CPSF3: variants seen among roughly 807,000 people sequenced by gnomAD.
CPSF3 encodes cleavage and polyadenylation specific factor 3.
CPSF3 carries 57 observed loss-of-function variants against 84.1 expected under a neutral mutation model. The ratio of observed to expected loss-of-function variants is 0.68; its 90% CI spans 0.55 to 0.85. CPSF3 has a LOEUF of 0.85. Ranked by LOEUF, CPSF3 falls within the 40% of genes least tolerant of loss-of-function variation. The probability of loss-of-function intolerance (pLI) is 0.00; values close to 1 mark genes in which losing one functional copy is unlikely to be tolerated. For missense variants in CPSF3, 522 were observed against 838.8 expected (o/e 0.62, Z 4.66); for synonymous variants, 275 against 278.1 (o/e 0.99, Z 0.11).
At chr2:9,436,898 A>T (rs1680803799) in intron 7 of CPSF3, among the ~76,000 whole-genome samples, 1 of 152,066 alleles carries the variant, frequency 6.6e-6, no homozygotes, top group Admixed American at 6.6e-5. Context: ...AGAAGTCTTA[A>T]AATATGTGTA....
chr2:9,452,782 C>T (rs975122536), intron 11 of CPSF3, 131 bp from the exon 12 acceptor site: 20 of 629,322 alleles, frequency 3.2e-5, no homozygotes, highest in African/African-American at 9.3e-5. Context: ...TTATGTTTTT[C>T]GTGGTTAAAT....
chr2:9,453,807 C>A (rs892180799), intron 12 of CPSF3, among the ~76,000 whole-genome samples: 2 of 151,962 alleles, frequency 1.3e-5, no homozygotes, highest in African/African-American at 4.8e-5. Flanking sequence ...AGGAGAATTG[C>A]TTGAAAGTGG....
chr2:9,454,367 C>T (rs1486319436), intron 12 of CPSF3, among the ~76,000 whole-genome samples: 1 of 151,982 alleles, frequency 6.6e-6, no homozygotes, highest in Non-Finnish European at 1.5e-5. Flanking sequence ...GAGATCACGC[C>T]ATTGCACTCC....
At chr2:9,444,214 C>T (rs115962404) in intron 10 of CPSF3, among the ~76,000 whole-genome samples, 11,706 of 146,694 alleles carry the variant, frequency 0.08, 1,579 homozygotes, top group African/African-American at 0.28. Context: ...ACTGCAACTC[C>T]GCCTCCCGGG....
chr2:9,444,813 G>A (rs562884244), intron 10 of CPSF3, among the ~76,000 whole-genome samples: 108 of 152,088 alleles, frequency 7.1e-4, no homozygotes, highest in Non-Finnish European at 1.2e-3. Flanking sequence ...TTACAGGCAC[G>A]TGCCACCACG....
chr2:9,430,735 G>A lies in CPSF3; in HGVS notation c.213-17G>A. 6.3e-7 allele frequency: 1 copy of A among 1,596,622 alleles called. No homozygotes were observed. The highest frequency in any genetic ancestry group is 8.5e-7 in the Non-Finnish European group (1 of 1,174,810). The stretch of plus-strand genomic sequence containing the variant: ...GATAATAATTTTAAGAATTAATGCA[G>A]CCTCTTTCTTTTTAAGTTTCCATTT... On this transcript the variant is annotated splice_polypyrimidine_tract_variant and intron_variant, in intron 3 of 17. Coordinates refer to ENST00000238112, the MANE Select transcript of CPSF3 (RefSeq NM_016207.4).
intron 10 of CPSF3, among the ~76,000 whole-genome samples, chr2:9,447,775 C>T (rs1681174532): frequency 6.6e-6 from 1 of 152,154 alleles, no homozygotes; most frequent in Non-Finnish European, 1.5e-5. Context: ...AAGACTCCAT[C>T]TCACAAAAAG....
At chr2:9,433,392 G>A (rs773720161) in intron 5 of CPSF3, among the ~76,000 whole-genome samples, 22 of 152,190 alleles carry the variant, frequency 1.4e-4, no homozygotes, top group Non-Finnish European at 2.9e-4. Context: ...GGAACTTTTA[G>A]ACATTGAATT....
intron 17 of CPSF3, among the ~76,000 whole-genome samples, 157 bp from the exon 18 acceptor site, chr2:9,472,759 C>T (rs951753565): frequency 1.3e-5 from 2 of 152,026 alleles, no homozygotes; most frequent in African/African-American, 4.8e-5. Flanking sequence ...GCTCAGTGAT[C>T]CTCCCACCTC....
chr2:9,439,717 G>A (rs1680906860), intron 7 of CPSF3, among the ~76,000 whole-genome samples: 1 of 152,082 alleles, frequency 6.6e-6, no homozygotes, highest in Non-Finnish European at 1.5e-5. Flanking sequence ...GGCTGAGTGT[G>A]GTGACTCATG....
intron 16 of CPSF3, among the ~76,000 whole-genome samples, chr2:9,469,396 T>C (rs928173168): frequency 2.6e-5 from 4 of 152,188 alleles, no homozygotes; most frequent in Non-Finnish European, 5.9e-5. Context: ...GACCAGGGAC[T>C]TGACTACAAT....
At chr2:9,472,274 C>G (rs1023640657) in intron 17 of CPSF3, among the ~76,000 whole-genome samples, 1 of 148,058 alleles carries the variant, frequency 6.8e-6, no homozygotes, top group Non-Finnish European at 1.5e-5. Context: ...GAGCTGAGAT[C>G]ACATCACTGC....
chr2:9,467,872 C>T (rs774327554), intron 16 of CPSF3, 96 bp downstream of exon 16: 2 of 980,110 alleles, frequency 2.0e-6, no homozygotes, highest in Non-Finnish European at 3.2e-6. Flanking sequence ...TGGGGCGTGG[C>T]TCTGGCCAGG....
intron 17 of CPSF3, among the ~76,000 whole-genome samples, chr2:9,471,747 A>G (rs527618297): frequency 2.0e-4 from 31 of 151,790 alleles, no homozygotes; most frequent in Middle Eastern, 3.4e-3. Flanking sequence ...TTTTTAAAGA[A>G]GCCGCTCTTC....
intron 15 of CPSF3, among the ~76,000 whole-genome samples, chr2:9,465,977 TGTA>T (rs1284325925): frequency 3.3e-5 from 5 of 152,324 alleles, no homozygotes; most frequent in Middle Eastern, 6.8e-3. Context: ...CCATATAAAG[TGTA>T]GAATTCAATG....
intron 14 of CPSF3, among the ~76,000 whole-genome samples, chr2:9,457,683 T>C (rs1465317181): frequency 1.3e-5 from 2 of 152,192 alleles, no homozygotes; most frequent in African/African-American, 4.8e-5. Context: ...TGTCTACTGC[T>C]ATGCCCCAAG....
At chr2:9,453,117 A>C in intron 12 of CPSF3, 96 bp downstream of exon 12, 1 of 687,304 alleles carries the variant, frequency 1.5e-6, no homozygotes, top group South Asian at 2.7e-5. Flanking sequence ...ATGTTATGTA[A>C]TAGACAAATA....
intron 12 of CPSF3, among the ~76,000 whole-genome samples, chr2:9,453,694 C>T (rs375639623): frequency 3.3e-5 from 5 of 152,148 alleles, no homozygotes; most frequent in African/African-American, 9.6e-5. Flanking sequence ...AGATCGAGAC[C>T]ATCCTGACCA....
At chr2:9,466,322 ACACAGACGCACG>A (rs1681947901) in intron 15 of CPSF3, among the ~76,000 whole-genome samples, 1 of 136,636 alleles carries the variant, frequency 7.3e-6, no homozygotes, top group South Asian at 2.2e-4. Flanking sequence ...TGACGCACGC[ACACAGACGCACG>A]CACACACGCG....
Sources: gnomAD v4.1 joint callset for allele counts (sites outside exome capture counted in the v4.1 genomes callset) on GRCh38, gnomAD v4.1.1 for gene constraint, MANE v1.5 for transcripts, NCBI Gene and HGNC (gene_info 2026-07-23, HGNC 2026-07-21) for gene names.